NTRK3: variants seen among roughly 807,000 people sequenced by gnomAD.
NTRK3 encodes NT-3 growth factor receptor.
Under a neutral mutation model 91.7 loss-of-function variants are expected in NTRK3, and 24 were observed. The observed-to-expected ratio is 0.26, with a 90% CI of 0.19 to 0.37. The LOEUF is 0.37. Among genes scored for constraint, NTRK3 ranks in the 10% least tolerant of loss-of-function variants. The pLI is 1.00. For missense variants in NTRK3, 880 were observed against 1,068.9 expected (o/e 0.82, Z 2.46); for synonymous variants, 483 against 404.0 (o/e 1.20, Z -2.34).
intron 3 of NTRK3, among the ~76,000 whole-genome samples, chr15:88,206,520 C>T (rs1292376548): frequency 1.2e-4 from 16 of 132,052 alleles, no homozygotes; most frequent in Non-Finnish European, 2.3e-4. Flanking sequence ...TAGCCGGGCG[C>T]GGTGGCGGGC....
chr15:88,094,523 G>C (rs1280928318), intron 13 of NTRK3, among the ~76,000 whole-genome samples: 2 of 147,594 alleles, frequency 1.4e-5, no homozygotes, highest in Non-Finnish European at 3.0e-5. Context: ...AAGTCTGCCA[G>C]CAGCGTCCCC....
At chr15:88,137,873 A>G in intron 6 of NTRK3, among the ~76,000 whole-genome samples, 1 of 152,214 alleles carries the variant, frequency 6.6e-6, no homozygotes, top group African/African-American at 2.4e-5. Context: ...CAACATGGTG[A>G]AACCCCGTCT....
exon 19 of NTRK3, chr15:87,875,930 G>A (rs186214247): frequency 9.6e-4 from 223 of 231,784 alleles, no homozygotes; most frequent in African/African-American, 4.4e-3. Context: ...ACCCTAAAGC[G>A]TGCTGTGTCT....
intron 14 of NTRK3, among the ~76,000 whole-genome samples, chr15:87,967,552 A>G (rs531743788): frequency 6.6e-6 from 1 of 152,296 alleles, no homozygotes; most frequent in South Asian, 2.1e-4. Context: ...CTACAGTGCA[A>G]TGAAGGGATG....
intron 5 of NTRK3, among the ~76,000 whole-genome samples, chr15:88,160,270 G>A (rs1000728279): frequency 1.3e-5 from 2 of 152,192 alleles, no homozygotes; most frequent in Non-Finnish European, 2.9e-5. Flanking sequence ...AGGCCAGCCA[G>A]AGCCACACTC....
chr15:87,912,621 G>GCT (rs112477797), intron 17 of NTRK3, among the ~76,000 whole-genome samples: 92 of 148,918 alleles, frequency 6.2e-4, no homozygotes, highest in East Asian at 2.6e-3. Context: ...AGGGACATCT[G>GCT]CTCTCTCTCT....
chr15:87,900,853 G>A (rs780499230), intron 17 of NTRK3, among the ~76,000 whole-genome samples: 5 of 152,146 alleles, frequency 3.3e-5, no homozygotes, highest in Non-Finnish European at 5.9e-5. Context: ...AATTGGTAGG[G>A]TGAGGGAAAG....
intron 6 of NTRK3, among the ~76,000 whole-genome samples, chr15:88,141,369 A>G (rs111874723): frequency 1.0e-3 from 152 of 152,354 alleles, no homozygotes; most frequent in African/African-American, 3.6e-3. Flanking sequence ...CATGACAAGA[A>G]GAGCAGAAGG....
chr15:87,920,819 G>T (rs926710300), intron 17 of NTRK3, among the ~76,000 whole-genome samples: 2 of 152,108 alleles, frequency 1.3e-5, no homozygotes, highest in African/African-American at 4.8e-5. Context: ...TGTGGGCAAT[G>T]GGGGATCCAT....
intron 14 of NTRK3, among the ~76,000 whole-genome samples, chr15:88,012,833 C>T (rs2076974878): frequency 6.6e-6 from 1 of 152,194 alleles, no homozygotes; most frequent in Non-Finnish European, 1.5e-5. Context: ...TATTGAAATG[C>T]AGACTGCTGA....
intron 13 of NTRK3, among the ~76,000 whole-genome samples, chr15:88,060,594 A>G (rs1162312585): frequency 6.6e-6 from 1 of 152,100 alleles, no homozygotes; most frequent in Non-Finnish European, 1.5e-5. Context: ...CAGGCCGTGC[A>G]TGACCATGGG....
intron 14 of NTRK3, among the ~76,000 whole-genome samples, chr15:87,980,110 G>A (rs1245849393): frequency 6.6e-6 from 1 of 152,156 alleles, no homozygotes; most frequent in Non-Finnish European, 1.5e-5. Flanking sequence ...AATCTTACAG[G>A]GGAGGAAAAT....
intron 14 of NTRK3, among the ~76,000 whole-genome samples, chr15:87,956,883 G>T (rs1193435329): frequency 6.6e-6 from 1 of 152,156 alleles, no homozygotes; most frequent in Admixed American, 6.5e-5. Flanking sequence ...TTTAGGGCAG[G>T]GGTGGGGTAG....
At chr15:87,939,765 G>C (rs1399741580) in intron 15 of NTRK3, among the ~76,000 whole-genome samples, 1 of 152,332 alleles carries the variant, frequency 6.6e-6, no homozygotes, top group East Asian at 1.9e-4. Context: ...CCAGACTCCA[G>C]AGAAGGGCTC....
At chr15:87,895,716 T>C (rs895227771) in intron 17 of NTRK3, among the ~76,000 whole-genome samples, 7 of 152,130 alleles carry the variant, frequency 4.6e-5, no homozygotes, top group Admixed American at 3.9e-4. Context: ...CTGCTCGCTC[T>C]CTGAAGTCTG....
chr15:87,876,475 C>T (rs1378576824), exon 19 of NTRK3: 3 of 226,854 alleles, frequency 1.3e-5, no homozygotes, highest in African/African-American at 2.2e-5. Flanking sequence ...TAACTCCTCC[C>T]GTCCCAGAGC....
chr15:87,872,256 A>C (rs2064841777), exon 19 of NTRK3: 3 of 219,622 alleles, frequency 1.4e-5, no homozygotes. Context: ...AAAGACCCTT[A>C]ATCTCAAGAC....
intron 13 of NTRK3, among the ~76,000 whole-genome samples, chr15:88,063,370 T>G (rs568807288): frequency 1.2e-4 from 18 of 152,350 alleles, no homozygotes; most frequent in Admixed American, 5.2e-4. Context: ...AAGTCTCCCA[T>G]TTTTACAAAT....
At chr15:88,100,045 A>AT (rs2050014090) in intron 13 of NTRK3, among the ~76,000 whole-genome samples, 1 of 152,172 alleles carries the variant, frequency 6.6e-6, no homozygotes, top group Non-Finnish European at 1.5e-5. Context: ...AGCTTGTTTA[A>AT]TTAAGCTTGA....
Sources: gnomAD v4.1 joint callset for allele counts (sites outside exome capture counted in the v4.1 genomes callset) on GRCh38, gnomAD v4.1.1 for gene constraint, MANE v1.5 for transcripts, NCBI Gene and HGNC (gene_info 2026-07-23, HGNC 2026-07-21) for gene names.